SMCO4: variants seen among roughly 807,000 people sequenced by gnomAD.
SMCO4 encodes the protein single-pass membrane protein with coiled-coil domains 4.
SMCO4 carries 4 observed loss-of-function variants against 3.6 expected under a neutral mutation model. The ratio of observed to expected loss-of-function variants is 1.11; its 90% CI spans 0.54 to 2.53. SMCO4 has a LOEUF of 2.53. SMCO4 is among the 30% of genes most tolerant of loss of function. The pLI is 0.02. For missense variants in SMCO4, 70 were observed against 80.8 expected (o/e 0.87, Z 0.51); for synonymous variants, 36 against 35.3 (o/e 1.02, Z -0.07).
chr11:93,538,074 G>C (rs1949242960), intron 1 of SMCO4, among the ~76,000 whole-genome samples: 1 of 152,186 alleles, frequency 6.6e-6, no homozygotes. Context: ...CACTGACTAG[G>C]GGAAAGGGCA....
rs1197525390 is a variant in SMCO4, at chr11:93,543,339, C to T, written c.-217G>A. On this transcript the variant is annotated 5_prime_UTR_variant, in exon 1 of 3. Coordinates refer to ENST00000298966, the MANE Select transcript of SMCO4 (RefSeq NM_020179.3). ...CGGGAATACGTGGCAGTGGCCGCCG[C>T]CGCTTGCGCTCCCCGCCTCGCCTCT... 4 of 151,910 alleles carry T rather than the reference C, an allele frequency of 2.6e-5. No individual in the cohort carries two copies. Among genetic ancestry groups the T allele is most frequent in the South Asian group, 1.8e-4 (1 of 5,662 alleles). 9.4% of individuals were successfully genotyped at this position (151,910 alleles called of 1,614,324 possible).
chr11:93,520,651 C>T (rs148336008), intron 1 of SMCO4, among the ~76,000 whole-genome samples: 470 of 152,314 alleles, frequency 3.1e-3, no homozygotes, highest in Non-Finnish European at 5.8e-3. Flanking sequence ...CATATACTAC[C>T]TTTTCCTATC....
chr11:93,549,103 C>A, the SMCO4 span, among the ~76,000 whole-genome samples: 17 of 152,258 alleles, frequency 1.1e-4, 1 homozygote, highest in East Asian at 3.3e-3. Context: ...ATTCCCCTGC[C>A]TTATGGTCAG....
chr11:93,542,136 G>T (rs1399314304), intron 1 of SMCO4, among the ~76,000 whole-genome samples: 1 of 148,428 alleles, frequency 6.7e-6, no homozygotes, highest in African/African-American at 2.5e-5. Flanking sequence ...GCCAACATGA[G>T]TCATCTGCAT....
intron 1 of SMCO4, among the ~76,000 whole-genome samples, chr11:93,531,095 T>A (rs1370728929): frequency 6.6e-6 from 1 of 152,240 alleles, no homozygotes; most frequent in Admixed American, 6.5e-5. Flanking sequence ...TCTGTGAGGA[T>A]GTTTTCTGGA....
chr11:93,543,077 C>G (rs959350629), intron 1 of SMCO4, among the ~76,000 whole-genome samples, 199 bp downstream of exon 1: 3 of 151,822 alleles, frequency 2.0e-5, no homozygotes, highest in Non-Finnish European at 1.5e-5. Context: ...CCCCCAACCC[C>G]GCCCGCACGA....
chr11:93,483,864 C>G lies in SMCO4; in HGVS notation c.-80-4595G>C, dbSNP rs897314471. On this transcript the variant is annotated intron_variant, in intron 2 of 2. Coordinates refer to ENST00000298966, the MANE Select transcript of SMCO4 (RefSeq NM_020179.3). ...TCCCCACCTTCCTGGGTGTACCCCA[C>G]TTATCTTCCCGCCCTTCGCCCACTT... Among the ~76,000 whole-genome samples the G allele has an allele frequency of 1.8e-4, 27 of 152,200 alleles. 1 individual carries two copies. Among genetic ancestry groups the G allele is most frequent in the African/African-American group, 6.0e-4 (25 of 41,456 alleles).
upstream of SMCO4, among the ~76,000 whole-genome samples, chr11:93,547,955 G>C (rs901278957): frequency 5.9e-5 from 9 of 152,192 alleles, no homozygotes; most frequent in South Asian, 2.1e-4. Flanking sequence ...TGAAGTAAGA[G>C]GGGGAGGCCT....
At chr11:93,513,965 GT>G (rs1948981648) in intron 1 of SMCO4, among the ~76,000 whole-genome samples, 1 of 152,244 alleles carries the variant, frequency 6.6e-6, no homozygotes, top group African/African-American at 2.4e-5. Context: ...TTGCCCATCT[GT>G]TTCCTCTACT....
chr11:93,524,161 T>C (rs980291424), intron 1 of SMCO4, among the ~76,000 whole-genome samples: 1 of 152,126 alleles, frequency 6.6e-6, no homozygotes, highest in Non-Finnish European at 1.5e-5. Context: ...ACATACACTA[T>C]CTCATATATA....
rs61060663 is a variant in SMCO4, at chr11:93,505,856, AATGATGATGATG to A, written c.-153-6520_-153-6509del. On this transcript the variant is annotated intron_variant, in intron 1 of 2. Transcript: ENST00000298966. ...AAAGAAAAATGTATTAAGCCCTTGC[AATGATGATGATG>A]ATGATGATGATGATGATGATGATGA... Among the ~76,000 whole-genome samples, 145 of 149,762 alleles carry A rather than the reference AATGATGATGATG, an allele frequency of 9.7e-4. 2 individuals carry two copies. The highest frequency in any genetic ancestry group is 6.2e-3 in the South Asian group (29 of 4,672).
chr11:93,514,113 A>G (rs1282051173), intron 1 of SMCO4, among the ~76,000 whole-genome samples: 1 of 152,044 alleles, frequency 6.6e-6, no homozygotes, highest in Non-Finnish European at 1.5e-5. Context: ...TCATGATTCC[A>G]CATGATGGAA....
At chr11:93,529,394 G>A (rs959885597) in intron 1 of SMCO4, among the ~76,000 whole-genome samples, 1 of 152,154 alleles carries the variant, frequency 6.6e-6, no homozygotes, top group African/African-American at 2.4e-5. Context: ...TCCTGGCACT[G>A]GAGAATTCTA....
At chr11:93,530,225 G>A (rs1026879397) in intron 1 of SMCO4, among the ~76,000 whole-genome samples, 5 of 152,190 alleles carry the variant, frequency 3.3e-5, no homozygotes, top group African/African-American at 1.2e-4. Flanking sequence ...GGGTCGTGGG[G>A]GGAAGAGCCC....
At chr11:93,486,296 C>G (rs1948649920) in intron 2 of SMCO4, among the ~76,000 whole-genome samples, 1 of 152,154 alleles carries the variant, frequency 6.6e-6, no homozygotes, top group African/African-American at 2.4e-5. Flanking sequence ...CCGTGTTGCC[C>G]CCACCCCAAG....
intron 1 of SMCO4, chr11:93,535,367 A>C (rs1313179080): frequency 1.4e-6 from 1 of 700,242 alleles, no homozygotes; most frequent in Non-Finnish European, 2.4e-6. Flanking sequence ...TGGACCCACC[A>C]CTCTTAACAT....
At chr11:93,527,629 T>C (rs997348541) in intron 1 of SMCO4, among the ~76,000 whole-genome samples, 1 of 152,060 alleles carries the variant, frequency 6.6e-6, no homozygotes, top group East Asian at 1.9e-4. Context: ...ACTAATTTTT[T>C]AAAAATTTTT....
chr11:93,478,723 A>G lies in SMCO4; in HGVS notation c.*287T>C, dbSNP rs1291821304. ...AGGAGAGAAAAAGAAGCACACACAC[A>G]CACACACACACACACACACACACAC... On this transcript the variant is annotated 3_prime_UTR_variant, in exon 3 of 3. Transcript: ENST00000298966. 9.9e-6 allele frequency: 3 copies of G among 301,802 alleles called. No individual in the cohort carries two copies. Among genetic ancestry groups the G allele is most frequent in the Non-Finnish European group, 1.4e-5 (3 of 217,122 alleles). 18.7% of individuals were successfully genotyped at this position (301,802 alleles called of 1,614,324 possible).
At chr11:93,532,713 C>A (rs1949174924) in intron 1 of SMCO4, among the ~76,000 whole-genome samples, 2 of 152,160 alleles carry the variant, frequency 1.3e-5, no homozygotes, top group Admixed American at 1.3e-4. Context: ...GCCAAGAATA[C>A]CAAGGACGGC....
Sources: allele counts gnomAD v4.1 joint callset (sites outside exome capture counted in the v4.1 genomes callset), GRCh38; gene constraint gnomAD v4.1.1; transcripts MANE v1.5; gene names NCBI Gene and HGNC (gene_info 2026-07-23, HGNC 2026-07-21).